Variants in HEMK2 observed in about 807,000 individuals in gnomAD.
HEMK2 encodes the protein methyltransferase HEMK2.
At chr21:28,649,874 C>CT in the HEMK2 span, among the ~76,000 whole-genome samples, 37 of 151,964 alleles carry the variant, frequency 2.4e-4, no homozygotes, top group African/African-American at 8.0e-4. Context: ...AAAATTTTTA[C>CT]TTTTTTTAAA....
At chr21:28,640,019 C>T in the HEMK2 span, among the ~76,000 whole-genome samples, 26 of 152,196 alleles carry the variant, frequency 1.7e-4, no homozygotes, top group African/African-American at 6.0e-4. Flanking sequence ...GTCCTATTAG[C>T]AAAGAGGCCT....
At chr21:28,817,820 A>T in the HEMK2 span, among the ~76,000 whole-genome samples, 1 of 152,202 alleles carries the variant, frequency 6.6e-6, no homozygotes, top group Non-Finnish European at 1.5e-5. Flanking sequence ...CTCAGGTCCC[A>T]GCTTCCCATT....
At chr21:28,739,523 C>A in the HEMK2 span, among the ~76,000 whole-genome samples, 1 of 152,124 alleles carries the variant, frequency 6.6e-6, no homozygotes, top group Admixed American at 6.6e-5. Context: ...GCATTTTTCC[C>A]TAAACTTCAT....
At chr21:28,612,727 CAA>C in the HEMK2 span, among the ~76,000 whole-genome samples, 1 of 152,154 alleles carries the variant, frequency 6.6e-6, no homozygotes, top group Admixed American at 6.6e-5. Flanking sequence ...AAGAATTCAG[CAA>C]AGTTTTCATA....
the HEMK2 span, among the ~76,000 whole-genome samples, chr21:28,838,998 T>TATATATATATATATATATATATATAC: frequency 3.5e-5 from 2 of 57,962 alleles, no homozygotes; most frequent in Non-Finnish European, 5.6e-5. Flanking sequence ...TATATATATA[T>TATATATATATATATATATATATATAC]ATACATATAT....
At chr21:28,655,860 T>C in the HEMK2 span, among the ~76,000 whole-genome samples, 5 of 152,088 alleles carry the variant, frequency 3.3e-5, no homozygotes, top group Non-Finnish European at 5.9e-5. Context: ...TCTGCATTTA[T>C]ATAAGAAATA....
the HEMK2 span, among the ~76,000 whole-genome samples, chr21:28,603,750 C>T: frequency 1.3e-5 from 2 of 152,142 alleles, no homozygotes; most frequent in African/African-American, 4.8e-5. Context: ...AACATCACTC[C>T]CACAATGTGT....
At chr21:28,589,969 G>A in the HEMK2 span, among the ~76,000 whole-genome samples, 2 of 152,120 alleles carry the variant, frequency 1.3e-5, no homozygotes. Context: ...TCCTTCAGCT[G>A]CGATATATCT....
At chr21:28,683,279 G>A in the HEMK2 span, among the ~76,000 whole-genome samples, 2 of 152,038 alleles carry the variant, frequency 1.3e-5, no homozygotes, top group African/African-American at 4.8e-5. Flanking sequence ...AGTCACACAG[G>A]TATAACAATT....
At chr21:28,624,873 G>A in the HEMK2 span, among the ~76,000 whole-genome samples, 2 of 152,304 alleles carry the variant, frequency 1.3e-5, no homozygotes, top group South Asian at 4.2e-4. Flanking sequence ...GAGGTCAGCT[G>A]CAGACCTAGG....
chr21:28,729,086 T>C, the HEMK2 span, among the ~76,000 whole-genome samples: 3 of 152,248 alleles, frequency 2.0e-5, no homozygotes, highest in African/African-American at 7.2e-5. Context: ...CAAATACTTG[T>C]GGCCTTATTA....
chr21:28,583,196 G>A, the HEMK2 span, among the ~76,000 whole-genome samples: 1 of 152,216 alleles, frequency 6.6e-6, no homozygotes, highest in Admixed American at 6.5e-5. Flanking sequence ...TTCTAAATAT[G>A]AAAGAGATAT....
chr21:28,777,970 A>G, the HEMK2 span, among the ~76,000 whole-genome samples: 1 of 152,232 alleles, frequency 6.6e-6, no homozygotes, highest in African/African-American at 2.4e-5. Context: ...TTTACCCTTG[A>G]AAACATTCTC....
At chr21:28,617,332 A>T in the HEMK2 span, among the ~76,000 whole-genome samples, 3 of 152,338 alleles carry the variant, frequency 2.0e-5, no homozygotes, top group East Asian at 5.8e-4. Flanking sequence ...GAGACTGGAG[A>T]TGCAAACAAG....
chr21:28,629,730 A>G, the HEMK2 span, among the ~76,000 whole-genome samples: 2 of 152,220 alleles, frequency 1.3e-5, no homozygotes, highest in Non-Finnish European at 2.9e-5. Context: ...CTCATTTTCC[A>G]GCCCTCCTGT....
At chr21:28,584,467 G>C in the HEMK2 span, among the ~76,000 whole-genome samples, 1 of 152,026 alleles carries the variant, frequency 6.6e-6, no homozygotes, top group Non-Finnish European at 1.5e-5. Context: ...AGTTGAAGAA[G>C]TTCTGTTTAT....
At chr21:28,798,330 T>C in the HEMK2 span, among the ~76,000 whole-genome samples, 1 of 152,174 alleles carries the variant, frequency 6.6e-6, no homozygotes, top group Non-Finnish European at 1.5e-5. Flanking sequence ...TTTCGCATGG[T>C]AACCCTGTGG....
chr21:28,867,604 A>T, the HEMK2 span, among the ~76,000 whole-genome samples: 2 of 152,168 alleles, frequency 1.3e-5, no homozygotes, highest in African/African-American at 4.8e-5. Flanking sequence ...GAGACAAGGA[A>T]CTTTATTACT....
chr21:28,757,255 T>C, the HEMK2 span, among the ~76,000 whole-genome samples: 3 of 152,236 alleles, frequency 2.0e-5, no homozygotes, highest in Non-Finnish European at 4.4e-5. Flanking sequence ...CAATTATGGT[T>C]AAATTTTTTA....
Sources: allele counts gnomAD v4.1 joint callset (sites outside exome capture counted in the v4.1 genomes callset), GRCh38; gene constraint gnomAD v4.1.1; transcripts MANE v1.5; gene names NCBI Gene and HGNC (gene_info 2026-07-23, HGNC 2026-07-21).